Variants in MYO7A observed in about 807,000 individuals in gnomAD.
MYO7A encodes unconventional myosin-VIIa.
In MYO7A, 210 loss-of-function variants were observed where a neutral mutation model predicts 263.8. That is an observed-to-expected ratio of 0.80 (90% confidence interval 0.71 to 0.89). The LOEUF (loss-of-function observed/expected upper bound fraction) is 0.89, where lower values mean the gene tolerates loss of function less well. Among genes scored for constraint, MYO7A ranks in the 40% least tolerant of loss-of-function variants. MYO7A has a pLI of 0.00. For synonymous variants in MYO7A, 1,239 were observed against 1,197.3 expected (o/e 1.03, Z -0.72); for missense variants, 2,820 against 2,968.3 (o/e 0.95, Z 1.16).
At chr11:77,202,555 G>T in intron 37 of MYO7A, 131 bp downstream of exon 37, 1 of 1,250,114 alleles carries the variant, frequency 8.0e-7, no homozygotes, top group South Asian at 1.6e-5. Flanking sequence ...GAGGGAGCTG[G>T]AGGGCTGTTT....
At chr11:77,158,571 T>C (rs1049923911) in intron 9 of MYO7A, 141 bp downstream of exon 9, 7 of 1,116,352 alleles carry the variant, frequency 6.3e-6, no homozygotes, top group Non-Finnish European at 8.6e-6. Flanking sequence ...AATTCGCCTG[T>C]GGGTAGATTT....
chr11:77,206,660 CCAAAGGTCCTGTCTGT>C (rs1420899054), intron 41 of MYO7A, among the ~76,000 whole-genome samples: 5 of 152,190 alleles, frequency 3.3e-5, no homozygotes, highest in East Asian at 1.9e-4. Flanking sequence ...GTCCTGTCTG[CCAAAGGTCCTGTCTGT>C]CATGCCTGTA....
At chr11:77,192,434 C>T (rs2135579004) in intron 31 of MYO7A, among the ~76,000 whole-genome samples, 156 bp downstream of exon 31, 1 of 152,288 alleles carries the variant, frequency 6.6e-6, no homozygotes, top group African/African-American at 2.4e-5. Flanking sequence ...TGGACACCGC[C>T]TACTTCAGGG....
intron 45 of MYO7A, 53 bp from the exon 46 acceptor site, chr11:77,211,768 G>T: frequency 6.9e-7 from 1 of 1,453,108 alleles, no homozygotes; most frequent in South Asian, 1.1e-5. Flanking sequence ...GGCCTGCCCT[G>T]AGCAGGCCTG....
At chr11:77,168,171 C>T (rs1418203539) in intron 15 of MYO7A, among the ~76,000 whole-genome samples, 1 of 152,174 alleles carries the variant, frequency 6.6e-6, no homozygotes, top group Non-Finnish European at 1.5e-5. Context: ...CTTCTCTCTC[C>T]TCTGTCTTTT....
intron 31 of MYO7A, among the ~76,000 whole-genome samples, chr11:77,192,595 A>G (rs1429993955): frequency 6.6e-6 from 1 of 152,176 alleles, no homozygotes; most frequent in Non-Finnish European, 1.5e-5. Flanking sequence ...GAGTATATCT[A>G]GTAAGCGCTG....
At chr11:77,202,066 T>C (rs1591469904) in intron 36 of MYO7A, among the ~76,000 whole-genome samples, 1 of 152,280 alleles carries the variant, frequency 6.6e-6, no homozygotes, top group East Asian at 1.9e-4. Context: ...CCAGGCTTTC[T>C]GACTGACCCA....
chr11:77,211,063 A>C, intron 44 of MYO7A, 89 bp from the exon 45 acceptor site: 22 of 1,264,448 alleles, frequency 1.7e-5, no homozygotes, highest in South Asian at 4.5e-5. Flanking sequence ...AAGGTGGTAG[A>C]CCCCGGCGTT....
chr11:77,132,057 T>C (rs1176674108), intron 2 of MYO7A, among the ~76,000 whole-genome samples: 11 of 152,060 alleles, frequency 7.2e-5, no homozygotes, highest in Admixed American at 5.2e-4. Flanking sequence ...ATGAAAATGC[T>C]TCTTCCTTCC....
intron 16 of MYO7A, among the ~76,000 whole-genome samples, chr11:77,174,366 G>T (rs1420811256): frequency 2.6e-5 from 4 of 152,126 alleles, no homozygotes; most frequent in Admixed American, 1.3e-4. Flanking sequence ...AGCCTCTCTA[G>T]CTCCCTCAAG....
rs1409362031 is a variant in MYO7A at position 77,194,350 on chromosome 11, C to T, written c.4153-4C>T. 1 of 1,610,466 alleles carries T rather than the reference C, an allele frequency of 6.2e-7. No homozygotes were observed. The highest frequency in any genetic ancestry group is 8.5e-7 in the Non-Finnish European group (1 of 1,178,386). ...ATGCATGACCGAGGCCTCCCCCCACCTAGGAGGACGACCTGGCTGAGCTGG... is the reference window on the plus strand; with the variant it reads ...ATGCATGACCGAGGCCTCCCCCCACTTAGGAGGACGACCTGGCTGAGCTGG... On this transcript the variant is annotated splice_polypyrimidine_tract_variant and splice_region_variant and intron_variant, in intron 31 of 48. Coordinates refer to ENST00000409709, the MANE Select transcript of MYO7A (RefSeq NM_000260.4).
At chr11:77,211,676 G>C (rs1473370229) in intron 45 of MYO7A, 145 bp from the exon 46 acceptor site, 2 of 645,566 alleles carry the variant, frequency 3.1e-6, no homozygotes, top group African/African-American at 1.8e-5. Flanking sequence ...CCCCAGGTCT[G>C]CTGTCCTAGT....
At chr11:77,184,236 C>T (rs7113984) in intron 26 of MYO7A, among the ~76,000 whole-genome samples, 3,608 of 152,158 alleles carry the variant, frequency 0.024, 138 homozygotes, top group African/African-American at 0.081. Flanking sequence ...GGCGGGGGCA[C>T]CCCAGAGAGA....
intron 19 of MYO7A, among the ~76,000 whole-genome samples, chr11:77,178,782 A>T (rs1336753042): frequency 6.6e-6 from 1 of 152,158 alleles, no homozygotes; most frequent in Non-Finnish European, 1.5e-5. Flanking sequence ...TTATTTTTTC[A>T]TACATTTATT....
chr11:77,181,779 GTT>G lies in MYO7A; in HGVS notation c.2905-150_2905-149del, dbSNP rs782689084. 0.024 allele frequency among the ~76,000 whole-genome samples: 2,151 copies of G among 90,042 alleles called. 45 individuals carry two copies. The highest frequency in any genetic ancestry group is 0.076 in the African/African-American group (2,031 of 26,770). The allele number at this position is 90,042 out of a possible 152,430, so 59.1% of individuals were successfully genotyped here. ...ACGCCCTTCTCAAGTTTTTTTTTTT[GTT>G]TTTTTTTTTTTTTTTTTTTTTGAGA... On this transcript the variant is annotated intron_variant, in intron 23 of 48. Coordinates refer to ENST00000409709, the MANE Select transcript of MYO7A (RefSeq NM_000260.4).
chr11:77,129,844 C>T (rs1950715162), intron 1 of MYO7A, among the ~76,000 whole-genome samples: 1 of 152,188 alleles, frequency 6.6e-6, no homozygotes, highest in Non-Finnish European at 1.5e-5. Context: ...ATGGCAAGAG[C>T]TGGCGTATTT....
chr11:77,203,046 C>T lies in MYO7A; in HGVS notation c.5169-14C>T. 6.5e-7 allele frequency: 1 copy of T among 1,547,380 alleles called. No individual in the cohort carries two copies. Among genetic ancestry groups the T allele is most frequent in the Non-Finnish European group, 8.7e-7 (1 of 1,146,398 alleles). On this transcript the variant is annotated splice_polypyrimidine_tract_variant and intron_variant, in intron 37 of 48. Transcript: ENST00000409709. ...AGCGATGGGGCGTTGCTGACGGTCC[C>T]TGTGCTGCGGCAGGCCCCCACCCAA... is the stretch of plus-strand genomic sequence containing the variant.
intron 41 of MYO7A, among the ~76,000 whole-genome samples, chr11:77,206,692 G>A (rs774140997): frequency 1.3e-5 from 2 of 152,158 alleles, no homozygotes; most frequent in Non-Finnish European, 2.9e-5. Context: ...CTGTAGTCAC[G>A]CTGCCCCTCA....
At position 77,179,890 on chromosome 11, in the gene MYO7A, C is replaced by A. The variant is rs988933838; in HGVS notation, c.2523C>A (p.Leu841=). 59 of 1,540,274 alleles carry A rather than the reference C, an allele frequency of 3.8e-5. No homozygotes were observed. The highest frequency in any genetic ancestry group is 5.1e-5 in the Non-Finnish European group (59 of 1,146,718). ...KAFRHRLWAV[L]TVQAYARGMI... Reference sequence around the variant, plus strand: ...TCCGCCACCGCCTCTGGGCTGTGCTCACCGTGCAGGCCTATGCCCGGGGCA... The same window carrying A: ...TCCGCCACCGCCTCTGGGCTGTGCTAACCGTGCAGGCCTATGCCCGGGGCA... The change falls in exon 21 of 49, where the codon CTC becomes CTA. Residue 841 remains leucine, a synonymous_variant. Coordinates refer to ENST00000409709, the MANE Select transcript of MYO7A (RefSeq NM_000260.4).
Sources: allele counts gnomAD v4.1 joint callset (sites outside exome capture counted in the v4.1 genomes callset), GRCh38; gene constraint gnomAD v4.1.1; transcripts MANE v1.5; gene names NCBI Gene and HGNC (gene_info 2026-07-23, HGNC 2026-07-21).